The following TERF1 variants were observed in gnomAD, a reference collection of about 807,000 sequenced individuals.
TERF1 encodes the protein telomeric repeat binding factor 1.
A neutral mutation model predicts 55.1 loss-of-function variants in TERF1; 20 were observed. That is an observed-to-expected ratio of 0.36 (90% CI 0.26 to 0.53). The LOEUF (loss-of-function observed/expected upper bound fraction) is 0.53, where lower values mean the gene tolerates loss of function less well. TERF1 is among the 20% of genes least tolerant of loss of function. The pLI is 0.91. For missense variants in TERF1, 439 were observed against 535.7 expected, an observed-to-expected ratio of 0.82 and a Z score of 1.78; for synonymous variants, 168 against 181.2, an observed-to-expected ratio of 0.93 and a Z score of 0.59.
intron 9 of TERF1, among the ~76,000 whole-genome samples, chr8:73,039,823 CT>C (rs1331846855): frequency 1.5e-5 from 2 of 133,462 alleles, no homozygotes; most frequent in South Asian, 2.3e-4. Context: ...GTGTTTCCCC[CT>C]TTTTTTTGTA....
Position 73,039,139 on chromosome 8 carries a change from A to G in TERF1, c.1063A>G (p.Arg355Gly). 2 of 1,596,130 alleles carry G rather than the reference A, an allele frequency of 1.3e-6. No individual in the cohort carries two copies. Among genetic ancestry groups the G allele is most frequent in the Admixed American group, 1.8e-5 (1 of 57,044 alleles). ...PQSTKKKKES[R>G]RATESRIPVS... ...AGGTACAAAAAAGAAAAAAGAAAGC[A>G]GAAGAGCCACTGAAAGCAGAATACC... is the stretch of plus-strand genomic sequence containing the variant. Residue 355 changes from arginine to glycine, a missense_variant, in exon 9 of 10, where the codon AGA becomes GGA. Arg to Gly is a moderately radical substitution (Grantham distance 125). Around this residue, in one of 4 missense-constraint regions of TERF1, gnomAD observed 140 missense variants for 158.6 expected, o/e 0.88. Coordinates refer to ENST00000276603, the MANE Select transcript of TERF1 (RefSeq NM_017489.3).
Position 73,029,968 on chromosome 8 carries a change from C to T in TERF1, c.888-368C>T, listed in dbSNP as rs56396467. ...AACCAGAAATTAAAATTGAACCCAT[C>T]AAATTGTATACTTTAAACATGTGCC... On this transcript the variant is annotated intron_variant, in intron 6 of 9. Coordinates refer to ENST00000276603, the MANE Select transcript of TERF1 (RefSeq NM_017489.3). 2.3e-3 allele frequency: 360 copies of T among 159,126 alleles called. 6 individuals are homozygous for T. The highest frequency in any genetic ancestry group is 0.021 in the Admixed American group (325 of 15,470). 9.9% of individuals were successfully genotyped at this position (159,126 alleles called of 1,614,324 possible).
intron 2 of TERF1, 56 bp downstream of exon 2, chr8:73,014,046 G>C: frequency 7.0e-7 from 1 of 1,431,458 alleles, no homozygotes; most frequent in Non-Finnish European, 9.8e-7. Context: ...TCTAATGTAA[G>C]ACAATGGGAA....
chr8:73,040,473 C>T (rs376993022), intron 9 of TERF1, among the ~76,000 whole-genome samples: 292 of 152,190 alleles, frequency 1.9e-3, no homozygotes, highest in African/African-American at 6.4e-3. Context: ...GGGTGAATTC[C>T]CAAAGGAGAA....
At chr8:73,014,308 G>A (rs563135987) in intron 2 of TERF1, among the ~76,000 whole-genome samples, 1 of 151,828 alleles carries the variant, frequency 6.6e-6, no homozygotes, top group African/African-American at 2.4e-5. Context: ...AGTAGGATGG[G>A]TATGGGGCTC....
intron 9 of TERF1, among the ~76,000 whole-genome samples, chr8:73,044,331 A>G (rs1475316717): frequency 6.6e-6 from 1 of 152,204 alleles, no homozygotes; most frequent in African/African-American, 2.4e-5. Context: ...TAAGTCACAA[A>G]GCAGAGGAAT....
intron 8 of TERF1, among the ~76,000 whole-genome samples, chr8:73,037,692 TATAGTATA>T (rs1304913822): frequency 6.8e-5 from 3 of 44,142 alleles, no homozygotes; most frequent in African/African-American, 2.0e-4. Context: ...ATATATATTA[TATAGTATA>T]ATATTATATT....
At chr8:73,017,963 C>T (rs2129750340) in intron 2 of TERF1, among the ~76,000 whole-genome samples, 1 of 152,288 alleles carries the variant, frequency 6.6e-6, no homozygotes, top group African/African-American at 2.4e-5. Context: ...CCTGCCTTGG[C>T]CTCCCAAAGT....
intron 2 of TERF1, among the ~76,000 whole-genome samples, chr8:73,019,818 C>T (rs1808674245): frequency 6.6e-6 from 1 of 152,174 alleles, no homozygotes; most frequent in Admixed American, 6.5e-5. Context: ...GTTCTCAGCT[C>T]CACTGTCACT....
At chr8:73,042,176 A>G (rs2129917959) in intron 9 of TERF1, among the ~76,000 whole-genome samples, 1 of 152,312 alleles carries the variant, frequency 6.6e-6, no homozygotes, top group East Asian at 1.9e-4. Context: ...TCTTATACAT[A>G]TAACTGATCT....
At chr8:73,011,140 T>TAAC (rs200598434) in intron 1 of TERF1, 1 of 77,942 alleles carries the variant, frequency 1.3e-5, no homozygotes, top group Non-Finnish European at 3.0e-5. Context: ...CATTAGTCCC[T>TAAC]AAGGAGAGTC....
At position 73,024,986 on chromosome 8, in the gene TERF1, C is replaced by G; in HGVS notation, c.774+15C>G. ...TTCTAATGAAGGTATACATATTATT[C>G]AAGAGTGACTAATAATAGACTTAAA... is the stretch of plus-strand genomic sequence containing the variant. On this transcript the variant is annotated intron_variant, in intron 5 of 9. Transcript: ENST00000276603. 6.9e-7 allele frequency: 1 copy of G among 1,450,390 alleles called. No individual in the cohort carries two copies. The highest frequency in any genetic ancestry group is 9.3e-7 in the Non-Finnish European group (1 of 1,075,516). 89.8% of individuals were successfully genotyped at this position (1,450,390 alleles called of 1,614,324 possible). A position where few individuals can be genotyped will look rare whatever the true frequency, so the allele number is the denominator to read the frequency against.
intron 8 of TERF1, among the ~76,000 whole-genome samples, chr8:73,032,883 T>TA (rs1251109660): frequency 6.6e-6 from 1 of 152,166 alleles, no homozygotes; most frequent in Non-Finnish European, 1.5e-5. Flanking sequence ...TTTTTTTTTT[T>TA]TATACTTTAA....
At chr8:73,018,494 G>A (rs55828752) in intron 2 of TERF1, among the ~76,000 whole-genome samples, 8 of 152,154 alleles carry the variant, frequency 5.3e-5, no homozygotes, top group Non-Finnish European at 1.0e-4. Context: ...TGGCCAACAT[G>A]GCAAAACCCC....
chr8:73,021,798 A>G (rs1444808001), intron 3 of TERF1, among the ~76,000 whole-genome samples: 1 of 152,204 alleles, frequency 6.6e-6, no homozygotes, highest in Admixed American at 6.5e-5. Flanking sequence ...TGTGTATTAG[A>G]TATTTTCCAG....
At chr8:73,037,665 A>T (rs1220783376) in intron 8 of TERF1, among the ~76,000 whole-genome samples, 1,852 of 51,552 alleles carry the variant, frequency 0.036, 35 homozygotes, top group Middle Eastern at 0.14. Context: ...ATGTATAATA[A>T]TATTATATTA....
At position 73,008,940 on chromosome 8, in the gene TERF1, T is replaced by G; in HGVS notation, c.54T>G (p.Gly18=). Residue 18 remains glycine, a synonymous_variant, in exon 1 of 10, where the codon GGT becomes GGG. Transcript: ENST00000276603. ...AAPSPRGCAD[G]RDADPTEEQM... is the part of the protein sequence containing the mutation. ...CGAGCCCGCGGGGCTGTGCGGATGG[T>G]AGGGATGCCGACCCTACTGAGGAGC... 1 of 1,612,694 alleles carries G rather than the reference T, an allele frequency of 6.2e-7. No individual in the cohort carries two copies. Among genetic ancestry groups the G allele is most frequent in the Non-Finnish European group, 8.5e-7 (1 of 1,179,620 alleles).
At chr8:73,044,133 C>T (rs1485847055) in intron 9 of TERF1, among the ~76,000 whole-genome samples, 3 of 152,078 alleles carry the variant, frequency 2.0e-5, no homozygotes, top group Admixed American at 6.6e-5. Flanking sequence ...TAATGACAAG[C>T]AGTGTAGTGA....
intron 2 of TERF1, among the ~76,000 whole-genome samples, chr8:73,017,417 G>A (rs1406357123): frequency 6.6e-6 from 1 of 152,122 alleles, no homozygotes; most frequent in Admixed American, 6.5e-5. Flanking sequence ...TAAAACAAGT[G>A]CCACAGTGCC....
Sources: gnomAD v4.1 joint callset for allele counts (sites outside exome capture counted in the v4.1 genomes callset) on GRCh38, gnomAD v4.1.1 for gene constraint, gnomAD v4.1.1 regional missense constraint, MANE v1.5 for transcripts, NCBI Gene and HGNC (gene_info 2026-07-23, HGNC 2026-07-21) for gene names.